SRSF3: variants seen among roughly 807,000 people sequenced by gnomAD.
The protein encoded by SRSF3 is serine and arginine rich splicing factor 3, also known as serine/arginine-rich splicing factor 3.
For synonymous variants in SRSF3, 87 were observed against 73.6 expected (o/e 1.18, Z -0.93); for missense variants, 58 against 217.1 (o/e 0.27, Z 4.61).
At position 36,604,353 on chromosome 6, in the gene SRSF3, C is replaced by T. The variant is rs1303951583; in HGVS notation, c.*2364C>T. ...ATGTGGTGGCTCACACTTGTAATTCCTAGCACTTTGGGAGGCTAGGGCGGG... is the reference window on the plus strand; with the variant it reads ...ATGTGGTGGCTCACACTTGTAATTCTTAGCACTTTGGGAGGCTAGGGCGGG... On this transcript the variant is annotated 3_prime_UTR_variant, in exon 6 of 6. Transcript: ENST00000373715. 4.8e-6 allele frequency: 1 copy of T among 207,118 alleles called. No homozygotes were observed. The highest frequency in any genetic ancestry group is 5.9e-5 in the Admixed American group (1 of 16,858). 12.8% of individuals were successfully genotyped at this position (207,118 alleles called of 1,614,324 possible). A position where few individuals can be genotyped will look rare whatever the true frequency, so the allele number is the denominator to read the frequency against.
At chr6:36,597,089 A>G (rs1453143709) in intron 2 of SRSF3, 121 bp downstream of exon 2, 9 of 657,404 alleles carry the variant, frequency 1.4e-5, no homozygotes, top group Non-Finnish European at 2.3e-5. Context: ...TTTAGATACA[A>G]TTGGGATCTT....
At chr6:36,596,574 C>CGGGGGGGGGAG (rs1778631619) in intron 1 of SRSF3, among the ~76,000 whole-genome samples, 187 bp from the exon 2 acceptor site, 1 of 91,962 alleles carries the variant, frequency 1.1e-5, no homozygotes, top group Non-Finnish European at 2.1e-5. Flanking sequence ...GGCGGGGTGG[C>CGGGGGGGGGAG]GGGGGGGGGG....
intron 2 of SRSF3, chr6:36,598,611 T>C: frequency 2.3e-6 from 1 of 435,190 alleles, no homozygotes; most frequent in Non-Finnish European, 4.1e-6. Context: ...GTCGAACTCT[T>C]GACCTTGTGA....
intron 2 of SRSF3, among the ~76,000 whole-genome samples, chr6:36,597,443 C>CT (rs1355512870): frequency 6.6e-6 from 1 of 152,082 alleles, no homozygotes; most frequent in African/African-American, 2.4e-5. Flanking sequence ...TGAACTGATC[C>CT]TTGTTTAAAA....
At chr6:36,598,819 G>C (rs758367829) in intron 2 of SRSF3, 30 bp from the exon 3 acceptor site, 12 of 1,607,210 alleles carry the variant, frequency 7.5e-6, no homozygotes, top group Non-Finnish European at 6.8e-6. Context: ...AAGTCAGGCT[G>C]TTTTAAGTTT....
At chr6:36,595,198 A>G (rs1259163257) in intron 1 of SRSF3, among the ~76,000 whole-genome samples, 2 of 152,172 alleles carry the variant, frequency 1.3e-5, no homozygotes, top group Non-Finnish European at 2.9e-5. Flanking sequence ...TATTGAGTAG[A>G]TGGTTTTTAT....
At chr6:36,594,627 G>A (rs1052909591) in intron 1 of SRSF3, 146 bp downstream of exon 1, 1 of 152,324 alleles carries the variant, frequency 6.6e-6, no homozygotes, top group African/African-American at 2.4e-5. Context: ...GGGGGCTCCC[G>A]GCCCATCGGA....
At chr6:36,595,966 C>T (rs1778620624) in intron 1 of SRSF3, among the ~76,000 whole-genome samples, 1 of 152,000 alleles carries the variant, frequency 6.6e-6, no homozygotes, top group Admixed American at 6.5e-5. Context: ...GCTCTGTCGC[C>T]GAGGCTGGAG....
At chr6:36,596,994 A>T in intron 2 of SRSF3, 26 bp downstream of exon 2, 1 of 1,608,318 alleles carries the variant, frequency 6.2e-7, no homozygotes, top group East Asian at 2.2e-5. Flanking sequence ...CGCTGATAAA[A>T]ATGTGTTGCT....
intron 2 of SRSF3, among the ~76,000 whole-genome samples, chr6:36,597,697 G>A (rs1418800662): frequency 2.0e-5 from 3 of 151,944 alleles, no homozygotes; most frequent in East Asian, 1.9e-4. Context: ...AATTCAAGCA[G>A]GTTGTAGTAA....
rs1778776476 is a variant in SRSF3 at position 36,604,302 on chromosome 6, T to G, written c.*2313T>G. On this transcript the variant is annotated 3_prime_UTR_variant, in exon 6 of 6. Coordinates refer to ENST00000373715, the MANE Select transcript of SRSF3 (RefSeq NM_003017.5). ...GTAAAGAAACATTAAGGATTATATTTGATTGTTTTCAAAGACACTGGCTGG... is the reference window on the plus strand; with the variant it reads ...GTAAAGAAACATTAAGGATTATATTGGATTGTTTTCAAAGACACTGGCTGG... The G allele has an allele frequency of 4.7e-6, 1 of 213,324 alleles. No homozygotes were observed. Among genetic ancestry groups the G allele is most frequent in the South Asian group, 1.9e-4 (1 of 5,348 alleles). The allele number at this position is 213,324 out of a possible 1,614,324, so 13.2% of individuals were successfully genotyped here. A position where few individuals can be genotyped will look rare whatever the true frequency, so the allele number is the denominator to read the frequency against.
intron 3 of SRSF3, 94 bp from the exon 4 acceptor site, chr6:36,601,058 A>C (rs536565687): frequency 4.0e-6 from 3 of 745,632 alleles, no homozygotes; most frequent in East Asian, 8.5e-5. Context: ...CGGCACATTC[A>C]CTGGGCCCAA....
In SRSF3 at chr6:36,605,491, A is replaced by G. The variant is rs1422603526; in HGVS notation, c.*3502A>G. 1.4e-5 allele frequency: 2 copies of G among 143,204 alleles called. No individual in the cohort carries two copies. Among genetic ancestry groups the G allele is most frequent in the Admixed American group, 6.8e-5 (1 of 14,610 alleles). 8.9% of individuals were successfully genotyped at this position (143,204 alleles called of 1,614,324 possible). Reference sequence around the variant, plus strand: ...AGTGAAAGCAAAACTTCGTCTCCAAAAAAAAAAAAAAAGTTTGTTTTGGTA... The same window carrying G: ...AGTGAAAGCAAAACTTCGTCTCCAAGAAAAAAAAAAAAGTTTGTTTTGGTA... On this transcript the variant is annotated 3_prime_UTR_variant, in exon 6 of 6. Transcript: ENST00000373715.
At chr6:36,599,964 C>A in intron 3 of SRSF3, 1 of 1,315,330 alleles carries the variant, frequency 7.6e-7, no homozygotes, top group Non-Finnish European at 1.0e-6. Flanking sequence ...CGTCAGGTTG[C>A]ACCGCCCTTT....
intron 4 of SRSF3, 24 bp downstream of exon 4, chr6:36,601,214 A>C: frequency 1.2e-6 from 2 of 1,612,658 alleles, no homozygotes; most frequent in Non-Finnish European, 1.7e-6. Context: ...TTTTTTGGCT[A>C]CGTTCTTAGA....
chr6:36,601,001 CTTTTT>C (rs775227806), intron 3 of SRSF3, 146 bp from the exon 4 acceptor site: 45 of 86,462 alleles, frequency 5.2e-4, no homozygotes, highest in East Asian at 1.3e-3. Context: ...TCTTTTTTTT[CTTTTT>C]TTTTTTTTTT....
Position 36,602,027 on chromosome 6 carries a change from C to T in SRSF3, c.*38C>T, listed in dbSNP as rs1334809989. 1.9e-6 allele frequency: 3 copies of T among 1,543,968 alleles called. No homozygotes were observed. In the South Asian group the frequency reaches 3.6e-5, roughly 19 times the overall value. On this transcript the variant is annotated 3_prime_UTR_variant, in exon 6 of 6. Transcript: ENST00000373715. ...AAGAGAAGTGGTGTACAGGAAATTA[C>T]TTCATTTGACAGGAGTATGTACAGA... is the stretch of plus-strand genomic sequence containing the variant.
chr6:36,599,303 A>G (rs951482804), intron 3 of SRSF3: 3 of 269,284 alleles, frequency 1.1e-5, no homozygotes, highest in African/African-American at 4.4e-5. Context: ...AATGACAAAC[A>G]TTACATTCAA....
rs1341117078 is a variant in SRSF3, at chr6:36,605,584, C to T, written c.*3595C>T. On this transcript the variant is annotated 3_prime_UTR_variant, in exon 6 of 6. Transcript: ENST00000373715. ...TTGTTGGACTCTGTACTTAATAATA[C>T]AGTATTTAGATTCTCATTTAGTATC... The T allele has an allele frequency of 2.6e-5, 4 of 151,988 alleles. No homozygotes were observed. Among genetic ancestry groups the T allele is most frequent in the Non-Finnish European group, 4.4e-5 (3 of 67,988 alleles). 9.4% of individuals were successfully genotyped at this position (151,988 alleles called of 1,614,324 possible).
Sources: allele counts gnomAD v4.1 joint callset (sites outside exome capture counted in the v4.1 genomes callset), GRCh38; gene constraint gnomAD v4.1.1; transcripts MANE v1.5; gene names NCBI Gene and HGNC (gene_info 2026-07-23, HGNC 2026-07-21).